ACOT7: variants seen among roughly 807,000 people sequenced by gnomAD.
ACOT7 encodes cytosolic acyl coenzyme A thioester hydrolase.
Under a neutral mutation model 40.2 loss-of-function variants are expected in ACOT7, and 12 were observed. The observed-to-expected ratio is 0.30, with a 90% confidence interval of 0.19 to 0.48. The LOEUF (loss-of-function observed/expected upper bound fraction) is 0.48, where lower values mean the gene tolerates loss of function less well. Among genes scored for constraint, ACOT7 ranks in the 20% least tolerant of loss-of-function variants. ACOT7 has a pLI of 0.99. For missense variants in ACOT7, 395 were observed against 530.8 expected (o/e 0.74, Z 2.51); for synonymous variants, 228 against 219.5 (o/e 1.04, Z -0.34).
intron 1 of ACOT7, among the ~76,000 whole-genome samples, chr1:6,365,001 C>T (rs990647632): frequency 6.6e-5 from 10 of 150,714 alleles, no homozygotes; most frequent in African/African-American, 2.5e-4. Flanking sequence ...CCAGCCTGAG[C>T]AACAAGAGTG....
chr1:6,343,932 C>G lies in ACOT7; in HGVS notation c.262-4343G>C, dbSNP rs143342132. On this transcript the variant is annotated intron_variant, in intron 2 of 8. Coordinates refer to ENST00000361521, the MANE Select transcript of ACOT7 (RefSeq NM_007274.4). Reference sequence around the variant, plus strand: ...TACAGAGGGGTGTGGGTCAGAGAAGCCTGGGTTCTAGCTGGGGGGACGGAC... The same window carrying G: ...TACAGAGGGGTGTGGGTCAGAGAAGGCTGGGTTCTAGCTGGGGGGACGGAC... 7.4e-3 allele frequency among the ~76,000 whole-genome samples: 1,125 copies of G among 152,310 alleles called. 7 individuals carry two copies. Among genetic ancestry groups the G allele is most frequent in the Middle Eastern group, 0.031 (9 of 294 alleles).
intron 1 of ACOT7, among the ~76,000 whole-genome samples, chr1:6,387,374 G>C (rs1346203320): frequency 6.6e-6 from 1 of 151,972 alleles, no homozygotes; most frequent in African/African-American, 2.4e-5. Flanking sequence ...AAAAAAAGCA[G>C]TGATTCCTTA....
chr1:6,351,983 C>T (rs1013233988), intron 1 of ACOT7, among the ~76,000 whole-genome samples: 11 of 152,154 alleles, frequency 7.2e-5, no homozygotes, highest in Non-Finnish European at 1.3e-4. Context: ...GGCGCTGTGC[C>T]ATCAGGAGTA....
chr1:6,297,521 C>G (rs1237920634), intron 6 of ACOT7, among the ~76,000 whole-genome samples: 1 of 152,222 alleles, frequency 6.6e-6, no homozygotes, highest in Non-Finnish European at 1.5e-5. Flanking sequence ...GCCAGGGCCC[C>G]CTGCTGCTCA....
chr1:6,351,638 T>C (rs999233654), intron 1 of ACOT7, among the ~76,000 whole-genome samples: 6 of 152,208 alleles, frequency 3.9e-5, no homozygotes, highest in African/African-American at 1.4e-4. Flanking sequence ...GCCCAGCTCC[T>C]GGTTCTAGAG....
rs1076699 is a variant in ACOT7 at position 6,359,847 on chromosome 1, G to A, written c.144-9981C>T. On this transcript the variant is annotated intron_variant, in intron 1 of 8. Coordinates refer to ENST00000361521, the MANE Select transcript of ACOT7 (RefSeq NM_007274.4). The surrounding 1 kb of genome is among the most constrained non-coding windows in gnomAD (Gnocchi z 4.1). ...CAGCCTCAACCAGGCTGCACCCGCCGGCCTCTGGGCAAGTTTCACATGTTT... is the reference window on the plus strand; with the variant it reads ...CAGCCTCAACCAGGCTGCACCCGCCAGCCTCTGGGCAAGTTTCACATGTTT... Among the ~76,000 whole-genome samples the A allele has an allele frequency of 0.022, 3,383 of 152,214 alleles. 119 individuals are homozygous for A. The highest frequency in any genetic ancestry group is 0.077 in the African/African-American group (3,214 of 41,496).
In ACOT7 at chr1:6,274,641, G is replaced by A. The variant is rs139862172; in HGVS notation, c.1014+6461C>T. Among the ~76,000 whole-genome samples the A allele has an allele frequency of 0.016, 2,509 of 152,272 alleles. 59 individuals carry two copies. The highest frequency in any genetic ancestry group is 0.058 in the African/African-American group (2,401 of 41,540). On this transcript the variant is annotated intron_variant, in intron 8 of 8. Transcript: ENST00000361521. This position sits in a 1 kb window ranked among gnomAD's most constrained non-coding sequence, Gnocchi z 5.9. ...TTGTGTGGGTCTGTGCTGAGGCCAC[G>A]CCTCACATAAGGCCCCAGCAGAGGC...
At chr1:6,348,118 G>A (rs1283119998) in intron 2 of ACOT7, among the ~76,000 whole-genome samples, 1 of 151,518 alleles carries the variant, frequency 6.6e-6, no homozygotes, top group Non-Finnish European at 1.5e-5. Flanking sequence ...AGCCACCAGA[G>A]GGTGCTCTCT....
chr1:6,267,787 G>C (rs894023826), intron 8 of ACOT7, among the ~76,000 whole-genome samples: 6 of 152,182 alleles, frequency 3.9e-5, no homozygotes, highest in African/African-American at 1.4e-4. Context: ...TGCCCTTCCT[G>C]GGATGGTCTC....
intron 1 of ACOT7, among the ~76,000 whole-genome samples, chr1:6,366,341 G>C (rs1158587522): frequency 1.3e-5 from 2 of 152,080 alleles, no homozygotes; most frequent in African/African-American, 4.8e-5. Context: ...CCAGCACTTT[G>C]GGACCCCGAG....
intron 3 of ACOT7, among the ~76,000 whole-genome samples, chr1:6,335,172 A>G (rs1429150512): frequency 3.3e-5 from 5 of 152,022 alleles, no homozygotes; most frequent in Admixed American, 2.6e-4. Flanking sequence ...CTCTACTAAA[A>G]ATACAAAAAT....
intron 4 of ACOT7, among the ~76,000 whole-genome samples, chr1:6,327,843 A>G (rs2235695): frequency 0.33 from 50,751 of 151,956 alleles, 12,422 homozygotes; most frequent in African/African-American, 0.7. Flanking sequence ...GCGTGATCTC[A>G]GCTCACTGCA....
rs115932153 is a variant in ACOT7 at position 6,359,037 on chromosome 1, C to G, written c.144-9171G>C. Reference sequence around the variant, plus strand: ...AGGCTGCCTCGCCAATCCAGAGCGTCTACCAGAAACCGGTCGTCATGGAAA... The same window carrying G: ...AGGCTGCCTCGCCAATCCAGAGCGTGTACCAGAAACCGGTCGTCATGGAAA... On this transcript the variant is annotated intron_variant, in intron 1 of 8. Transcript: ENST00000361521. The surrounding 1 kb of genome is among the most constrained non-coding windows in gnomAD (Gnocchi z 4.1). 1.4e-3 allele frequency: 1,187 copies of G among 832,540 alleles called. 7 individuals are homozygous for G. In the African/African-American group the frequency reaches 0.019, roughly 13 times the overall value. 51.6% of individuals were successfully genotyped at this position (832,540 alleles called of 1,614,324 possible). A position where few individuals can be genotyped will look rare whatever the true frequency, so the allele number is the denominator to read the frequency against.
chr1:6,339,562 C>T lies in ACOT7; in HGVS notation c.289G>A (p.Val97Ile). 6.2e-7 allele frequency: 1 copy of T among 1,613,484 alleles called. No individual in the cohort carries two copies. ...GERCVAALAR[V>I]ERTDFLSPMC... The stretch of plus-strand genomic sequence containing the variant: ...GGAGACAGGAAGTCGGTGCGCTCGA[C>T]ACGAGCCAGGGCGGCCACACAGCGC... The change falls in exon 3 of 9, where the codon GTC becomes ATC. Residue 97 changes from valine (V) to isoleucine (I), a missense_variant. By Grantham distance (29) the Val-to-Ile change is conservative. This residue lies in a region of ACOT7 where 309 missense variants were observed against 470.3 expected (regional missense o/e 0.66). Coordinates refer to ENST00000361521, the MANE Select transcript of ACOT7 (RefSeq NM_007274.4).
intron 6 of ACOT7, among the ~76,000 whole-genome samples, chr1:6,310,396 C>T (rs532525453): frequency 6.6e-6 from 1 of 152,268 alleles, no homozygotes; most frequent in Non-Finnish European, 1.5e-5. Flanking sequence ...GCCCATTCCC[C>T]AGCCACCCTG....
intron 4 of ACOT7, among the ~76,000 whole-genome samples, chr1:6,332,639 TC>T (rs1640988504): frequency 6.6e-6 from 1 of 151,726 alleles, no homozygotes; most frequent in African/African-American, 2.4e-5. Context: ...CATGGAGAAA[TC>T]CCGTCTCTAC....
chr1:6,356,252 C>T (rs1571338403), intron 1 of ACOT7, among the ~76,000 whole-genome samples: 4 of 152,130 alleles, frequency 2.6e-5, no homozygotes, highest in South Asian at 2.1e-4. Flanking sequence ...CCCTGCCCAC[C>T]GCTGGTCTCC....
At chr1:6,312,617 G>A (rs929965344) in intron 6 of ACOT7, among the ~76,000 whole-genome samples, 2 of 152,052 alleles carry the variant, frequency 1.3e-5, no homozygotes, top group African/African-American at 2.4e-5. Flanking sequence ...ACAGGCACCC[G>A]CCATCATACC....
Position 6,306,169 on chromosome 1 carries a change from G to A in ACOT7, c.713-11189C>T, listed in dbSNP as rs1314377295. 1.1e-6 allele frequency: 1 copy of A among 872,288 alleles called. No homozygotes were observed. Among genetic ancestry groups the A allele is most frequent in the African/African-American group, 1.9e-5 (1 of 52,900 alleles). 54.0% of individuals were successfully genotyped at this position (872,288 alleles called of 1,614,324 possible). The stretch of plus-strand genomic sequence containing the variant: ...GTCCAGCTTCGGCTCGGCATCAGAG[G>A]GAGACCGTGGCAAGAGAGGGAGAGG... On this transcript the variant is annotated intron_variant, in intron 6 of 8. Transcript: ENST00000361521. The surrounding 1 kb of genome is among the most constrained non-coding windows in gnomAD (Gnocchi z 4.3).
Sources: allele counts gnomAD v4.1 joint callset (sites outside exome capture counted in the v4.1 genomes callset), GRCh38; gene constraint gnomAD v4.1.1; regional missense constraint gnomAD v4.1.1; non-coding constraint Gnocchi (gnomAD v3.1); transcripts MANE v1.5; gene names NCBI Gene and HGNC (gene_info 2026-07-23, HGNC 2026-07-21).